The following OPHN1 variants were observed in gnomAD, a reference collection of about 807,000 sequenced individuals.
OPHN1 encodes oligophrenin 1, also known as oligophrenin-1.
OPHN1 carries 11 observed loss-of-function variants against 60.7 expected under a neutral mutation model. That is an observed-to-expected ratio of 0.18 (90% CI 0.11 to 0.30). The LOEUF (loss-of-function observed/expected upper bound fraction) is 0.30, where lower values mean the gene tolerates loss of function less well. OPHN1 is among the 10% of genes least tolerant of loss of function. The pLI is 1.00. For missense variants in OPHN1, 449 were observed against 611.0 expected, an observed-to-expected ratio of 0.73 and a Z score of 2.80; for synonymous variants, 226 against 222.6, an observed-to-expected ratio of 1.02 and a Z score of -0.14.
chrX:68,212,098 GC>G lies in OPHN1; in HGVS notation c.702+9del. ...AAAGACCGGTGAGAAAAATCCACAT[GC>G]AAACTCACATTCTGTAAACTGAGTT... On this transcript the variant is annotated intron_variant, in intron 8 of 24. Coordinates refer to ENST00000355520, the MANE Select transcript of OPHN1 (RefSeq NM_002547.3). 1 of 1,138,077 alleles carries G rather than the reference GC, an allele frequency of 8.8e-7. No individual in the cohort carries two copies. Among genetic ancestry groups the G allele is most frequent in the African/African-American group, 1.8e-5 (1 of 56,354 alleles). The allele number at this position is 1,138,077 out of a possible 1,213,427, so 93.8% of individuals were successfully genotyped here. A position where few individuals can be genotyped will look rare whatever the true frequency, so the allele number is the denominator to read the frequency against.
intron 5 of OPHN1, 25 bp from the exon 6 acceptor site, chrX:68,234,613 G>A: frequency 9.6e-7 from 1 of 1,042,861 alleles, no homozygotes; most frequent in Non-Finnish European, 1.3e-6. Context: ...GAAGGGCAAA[G>A]ATTAAATGTC....
chrX:68,368,081 T>C (rs1242543148), intron 2 of OPHN1, among the ~76,000 whole-genome samples: 2 of 111,576 alleles, frequency 1.8e-5, no homozygotes, highest in South Asian at 3.8e-4. Context: ...CTAGAAATGG[T>C]GAGTAGTGCC....
At chrX:68,371,108 A>G (rs2078525849) in intron 2 of OPHN1, among the ~76,000 whole-genome samples, 1 of 111,754 alleles carries the variant, frequency 8.9e-6, no homozygotes, top group Admixed American at 9.6e-5. Flanking sequence ...ATCTAACTAC[A>G]GTTATATGCA....
At chrX:68,269,878 A>T (rs2077957185) in intron 5 of OPHN1, among the ~76,000 whole-genome samples, 1 of 112,085 alleles carries the variant, frequency 8.9e-6, no homozygotes, top group Non-Finnish European at 1.9e-5. Flanking sequence ...CAATGAACTC[A>T]AACAAATTTA....
chrX:68,357,248 CTTTTGT>C (rs2078445494), intron 2 of OPHN1, among the ~76,000 whole-genome samples: 1 of 111,421 alleles, frequency 9.0e-6, no homozygotes, highest in Non-Finnish European at 1.9e-5. Flanking sequence ...TTTGCTTTTG[CTTTTGT>C]TTTGTTTTTT....
intron 2 of OPHN1, among the ~76,000 whole-genome samples, chrX:68,331,898 TG>T (rs1220724353): frequency 9.1e-6 from 1 of 109,728 alleles, no homozygotes; most frequent in Non-Finnish European, 1.9e-5. Context: ...TAGCTTGGTG[TG>T]GTGGTGCATG....
chrX:68,379,745 T>C (rs969401922), intron 2 of OPHN1, among the ~76,000 whole-genome samples: 10 of 109,766 alleles, frequency 9.1e-5, no homozygotes, highest in Non-Finnish European at 1.9e-4. Context: ...TTGATTTGCG[T>C]ATATTGAACC....
chrX:68,312,888 T>G (rs1416188386), intron 2 of OPHN1, among the ~76,000 whole-genome samples: 2 of 111,213 alleles, frequency 1.8e-5, no homozygotes, highest in Non-Finnish European at 3.8e-5. Flanking sequence ...GGAGGATTAC[T>G]TGAGTCAAGG....
chrX:68,197,917 A>G (rs1476639680), intron 11 of OPHN1, among the ~76,000 whole-genome samples: 1 of 111,095 alleles, frequency 9.0e-6, no homozygotes, highest in African/African-American at 3.3e-5. Context: ...AATCATCTCT[A>G]TTTCACAGAA....
At chrX:68,365,002 T>C (rs1167473924) in intron 2 of OPHN1, among the ~76,000 whole-genome samples, 1 of 111,588 alleles carries the variant, frequency 9.0e-6, no homozygotes, top group Non-Finnish European at 1.9e-5. Context: ...ACAGGGTGAG[T>C]GTGAAAGCCT....
chrX:68,322,741 C>T (rs2078241522), intron 2 of OPHN1, among the ~76,000 whole-genome samples: 1 of 111,308 alleles, frequency 9.0e-6, no homozygotes, highest in Non-Finnish European at 1.9e-5. Flanking sequence ...GAGCCAAGAT[C>T]GCACCATTGC....
intron 19 of OPHN1, among the ~76,000 whole-genome samples, chrX:68,077,135 A>G (rs748807592): frequency 8.9e-6 from 1 of 111,912 alleles, no homozygotes; most frequent in South Asian, 3.8e-4. Flanking sequence ...CTACAATTCA[A>G]ACAAGATATC....
At chrX:68,196,974 T>G (rs1374659457) in intron 12 of OPHN1, among the ~76,000 whole-genome samples, 2 of 111,827 alleles carry the variant, frequency 1.8e-5, no homozygotes, top group Non-Finnish European at 3.8e-5. Context: ...TTTTGGTGTC[T>G]TCTCTGAGGG....
At chrX:68,333,496 A>G (rs191776584) in intron 2 of OPHN1, among the ~76,000 whole-genome samples, 1 of 110,271 alleles carries the variant, frequency 9.1e-6, no homozygotes, top group Admixed American at 9.8e-5. Context: ...TTAGCTGGGC[A>G]TGGTGGCACA....
At chrX:68,226,806 G>C in intron 6 of OPHN1, among the ~76,000 whole-genome samples, 1 of 111,809 alleles carries the variant, frequency 8.9e-6, no homozygotes, top group Middle Eastern at 4.6e-3. Context: ...TCAAGGCTAG[G>C]AAGAAACTGC....
intron 8 of OPHN1, among the ~76,000 whole-genome samples, chrX:68,210,858 G>A (rs1049714650): frequency 9.0e-6 from 1 of 111,612 alleles, no homozygotes; most frequent in African/African-American, 3.3e-5. Context: ...GACATGTGTT[G>A]AAATGTGGGT....
intron 18 of OPHN1, among the ~76,000 whole-genome samples, chrX:68,106,169 G>A (rs1226309332): frequency 9.9e-6 from 1 of 101,052 alleles, no homozygotes; most frequent in Non-Finnish European, 2.0e-5. Flanking sequence ...ATTATTGAAT[G>A]TTGGGAATAG....
At chrX:68,267,054 C>T (rs2077933459) in intron 5 of OPHN1, among the ~76,000 whole-genome samples, 1 of 111,509 alleles carries the variant, frequency 9.0e-6, no homozygotes, top group African/African-American at 3.3e-5. Context: ...GAGAAAGAGA[C>T]TTAGACTCCC....
intron 15 of OPHN1, among the ~76,000 whole-genome samples, chrX:68,181,405 G>T (rs2077436069): frequency 9.0e-6 from 1 of 111,513 alleles, no homozygotes; most frequent in Non-Finnish European, 1.9e-5. Context: ...ATAAACAATG[G>T]CTATTTTTTT....
Sources: allele counts gnomAD v4.1 joint callset (sites outside exome capture counted in the v4.1 genomes callset), GRCh38; gene constraint gnomAD v4.1.1; transcripts MANE v1.5; gene names NCBI Gene and HGNC (gene_info 2026-07-23, HGNC 2026-07-21).